The following DMD variants were observed in gnomAD, a reference collection of about 807,000 sequenced individuals.
The protein encoded by DMD is mutant dystrophin.
DMD carries 63 observed loss-of-function variants against 330.1 expected under a neutral mutation model. The observed-to-expected ratio is 0.19, with a 90% CI of 0.16 to 0.24. DMD has a LOEUF of 0.24. DMD is among the 10% of genes least tolerant of loss of function. The pLI, the probability that DMD is intolerant of heterozygous loss-of-function variation, is 1.00. For synonymous variants in DMD, 1,223 were observed against 959.8 expected, an observed-to-expected ratio of 1.27 and a Z score of -5.07; for missense variants, 3,344 against 2,684.1, an observed-to-expected ratio of 1.25 and a Z score of -5.43.
At chrX:33,089,900 T>A (rs2095062013) in intron 1 of DMD, among the ~76,000 whole-genome samples, 1 of 111,293 alleles carries the variant, frequency 9.0e-6, no homozygotes, top group African/African-American at 3.3e-5. Context: ...GTCTCTTGAT[T>A]TCACAAATTA....
chrX:33,201,649 T>A (rs761819744), intron 1 of DMD, among the ~76,000 whole-genome samples: 1 of 112,121 alleles, frequency 8.9e-6, no homozygotes, highest in South Asian at 3.7e-4. Context: ...AAGAGAAAAA[T>A]TAGTTTATGT....
At chrX:32,335,296 G>C (rs2097700021) in intron 41 of DMD, among the ~76,000 whole-genome samples, 1 of 108,053 alleles carries the variant, frequency 9.3e-6, no homozygotes, top group East Asian at 2.9e-4. Flanking sequence ...CTGTCTCCCA[G>C]TTTCAAGCAA....
intron 9 of DMD, among the ~76,000 whole-genome samples, chrX:32,689,275 G>A (rs1259764687): frequency 9.1e-6 from 1 of 110,049 alleles, no homozygotes; most frequent in East Asian, 2.8e-4. Flanking sequence ...TTCATAAAGA[G>A]ACCACTATGA....
At chrX:32,279,339 T>C (rs2097403772) in intron 43 of DMD, among the ~76,000 whole-genome samples, 1 of 111,787 alleles carries the variant, frequency 8.9e-6, no homozygotes, top group African/African-American at 3.3e-5. Context: ...CAAATCAGTA[T>C]ATCAAAGAGA....
At chrX:33,009,916 ATG>A (rs771033650) in intron 2 of DMD, among the ~76,000 whole-genome samples, 1 of 60,874 alleles carries the variant, frequency 1.6e-5, no homozygotes. Context: ...ATATGTGTAT[ATG>A]TGTGTATACA....
At chrX:31,684,036 A>G (rs2148765646) in intron 52 of DMD, among the ~76,000 whole-genome samples, 1 of 112,149 alleles carries the variant, frequency 8.9e-6, no homozygotes, top group Non-Finnish European at 1.9e-5. Context: ...AGTGATTGTT[A>G]GAGCCGACAC....
intron 18 of DMD, among the ~76,000 whole-genome samples, chrX:32,508,042 T>A (rs1378293167): frequency 9.1e-6 from 1 of 110,065 alleles, no homozygotes; most frequent in Admixed American, 9.8e-5. Flanking sequence ...AGCTTATAGT[T>A]TGGATGTATT....
At chrX:33,061,404 C>A (rs867101331) in intron 1 of DMD, among the ~76,000 whole-genome samples, 2 of 111,745 alleles carry the variant, frequency 1.8e-5, no homozygotes, top group Middle Eastern at 9.2e-3. Flanking sequence ...AAGTGATGAG[C>A]TTTGGAGAAG....
chrX:32,884,201 G>T (rs1419252828), intron 2 of DMD, among the ~76,000 whole-genome samples: 2 of 111,469 alleles, frequency 1.8e-5, no homozygotes, highest in African/African-American at 6.5e-5. Flanking sequence ...CATCCGAAAA[G>T]ATTTTCTTTA....
chrX:32,590,270 C>T (rs565256064), intron 13 of DMD, among the ~76,000 whole-genome samples: 3 of 112,315 alleles, frequency 2.7e-5, no homozygotes, highest in African/African-American at 9.7e-5. Context: ...AAGTGAGAAA[C>T]CATACCAGTG....
intron 43 of DMD, among the ~76,000 whole-genome samples, chrX:32,270,982 G>A (rs931893521): frequency 9.0e-6 from 1 of 110,922 alleles, no homozygotes; most frequent in Non-Finnish European, 1.9e-5. Flanking sequence ...GAGAGATAGG[G>A]GAAAGAAAAT....
At chrX:31,139,462 G>A (rs904934218) in intron 76 of DMD, among the ~76,000 whole-genome samples, 10 of 91,779 alleles carry the variant, frequency 1.1e-4, no homozygotes, top group Non-Finnish European at 1.5e-4. Flanking sequence ...CAGTATGTAC[G>A]TGGTGTTTAT....
intron 66 of DMD, among the ~76,000 whole-genome samples, 177 bp downstream of exon 66, chrX:31,206,405 C>CA (rs1234127824): frequency 2.7e-5 from 3 of 112,374 alleles, no homozygotes; most frequent in African/African-American, 6.5e-5. Context: ...TAAATGCCTG[C>CA]AATTTAATGT....
At chrX:32,769,578 G>A (rs1439884904) in intron 7 of DMD, among the ~76,000 whole-genome samples, 1 of 111,119 alleles carries the variant, frequency 9.0e-6, no homozygotes, top group Non-Finnish European at 1.9e-5. Flanking sequence ...AAAGCAGCAA[G>A]GTTGTTTAGC....
chrX:32,072,768 GA>G (rs1179188051), intron 44 of DMD, among the ~76,000 whole-genome samples: 1 of 110,747 alleles, frequency 9.0e-6, no homozygotes, highest in Non-Finnish European at 1.9e-5. Context: ...GTAGCCTGGG[GA>G]AAAAAAATCA....
intron 43 of DMD, among the ~76,000 whole-genome samples, chrX:32,234,682 A>G (rs1178124077): frequency 8.9e-6 from 1 of 112,437 alleles, no homozygotes; most frequent in Admixed American, 9.4e-5. Flanking sequence ...TCCATCAATC[A>G]ATCATATTTT....
intron 67 of DMD, among the ~76,000 whole-genome samples, chrX:31,185,105 AAAGTAT>A (rs2041632363): frequency 9.1e-6 from 1 of 110,034 alleles, no homozygotes; most frequent in Non-Finnish European, 1.9e-5. Context: ...CCTAAAACTT[AAAGTAT>A]AATAAAAATA....
intron 62 of DMD, among the ~76,000 whole-genome samples, chrX:31,305,842 A>C (rs1022478403): frequency 1.4e-4 from 16 of 112,823 alleles, no homozygotes; most frequent in African/African-American, 4.8e-4. Context: ...GCTGAATTTC[A>C]GCAACCTTCT....
intron 44 of DMD, among the ~76,000 whole-genome samples, chrX:32,085,618 G>GTATATATATACGTA (rs373908568): frequency 1.3e-5 from 1 of 77,818 alleles, no homozygotes; most frequent in African/African-American, 4.8e-5. Context: ...ATATATATAC[G>GTATATATATACGTA]TATATATATA....
Sources: gnomAD v4.1 joint callset for allele counts (sites outside exome capture counted in the v4.1 genomes callset) on GRCh38, gnomAD v4.1.1 for gene constraint, MANE v1.5 for transcripts, NCBI Gene and HGNC (gene_info 2026-07-23, HGNC 2026-07-21) for gene names.